Variants in SPATA17 observed in about 807,000 individuals in gnomAD.
SPATA17 encodes the protein spermatogenesis associated 17, also known as spermatogenesis-associated protein 17.
SPATA17 carries 53 observed loss-of-function variants against 62.2 expected under a neutral mutation model. The observed-to-expected ratio is 0.85, with a 90% CI of 0.68 to 1.07. SPATA17 has a LOEUF of 1.07. Among genes scored for constraint, SPATA17 ranks in the 50% least tolerant of loss-of-function variants. The probability of loss-of-function intolerance (pLI) is 0.00; values close to 1 mark genes in which losing one functional copy is unlikely to be tolerated. For synonymous variants in SPATA17, 146 were observed against 146.8 expected (o/e 0.99, Z 0.04); for missense variants, 466 against 425.5 (o/e 1.10, Z -0.84).
intron 1 of SPATA17, among the ~76,000 whole-genome samples, chr1:217,645,411 G>A (rs1670156805): frequency 6.6e-6 from 1 of 152,026 alleles, no homozygotes; most frequent in African/African-American, 2.4e-5. Context: ...TTCAAAAGAA[G>A]CATTAGATGT....
At position 217,783,305 on chromosome 1, in the gene SPATA17, A is replaced by C. The variant is rs189908671; in HGVS notation, c.872+983A>C. On this transcript the variant is annotated intron_variant, in intron 8 of 10. Transcript: ENST00000366933. Reference sequence around the variant, plus strand: ...TAAGTTATATATACATGTACACATAAAATATGTTATTTGAATTATACCTTT... The same window carrying C: ...TAAGTTATATATACATGTACACATACAATATGTTATTTGAATTATACCTTT... 1.9e-3 allele frequency among the ~76,000 whole-genome samples: 289 copies of C among 151,996 alleles called. 1 individual carries two copies. The highest frequency in any genetic ancestry group is 6.5e-3 in the African/African-American group (272 of 41,558).
At chr1:217,793,221 G>GT (rs1161172000) in intron 8 of SPATA17, among the ~76,000 whole-genome samples, 7,106 of 127,022 alleles carry the variant, frequency 0.056, 310 homozygotes, top group Non-Finnish European at 0.071. Context: ...AGTGGTTTTT[G>GT]TTTTTTTTTT....
chr1:217,646,663 G>A (rs1056231994), intron 1 of SPATA17, among the ~76,000 whole-genome samples: 7 of 152,000 alleles, frequency 4.6e-5, no homozygotes, highest in South Asian at 2.1e-4. Context: ...TTGGGAGGCC[G>A]AGGTGGGTGG....
chr1:217,723,944 T>C (rs1310385367), intron 5 of SPATA17, among the ~76,000 whole-genome samples: 1 of 152,216 alleles, frequency 6.6e-6, no homozygotes, highest in Non-Finnish European at 1.5e-5. Flanking sequence ...GCCACCCCTG[T>C]CCTCTGAAGG....
intron 9 of SPATA17, among the ~76,000 whole-genome samples, chr1:217,850,228 A>G (rs1006426017): frequency 2.6e-5 from 4 of 152,166 alleles, no homozygotes; most frequent in African/African-American, 9.7e-5. Context: ...TGTTTTTCCA[A>G]AAGTATGGCA....
chr1:217,821,843 C>T (rs555076462), intron 9 of SPATA17, among the ~76,000 whole-genome samples: 3 of 152,112 alleles, frequency 2.0e-5, no homozygotes, highest in Admixed American at 1.3e-4. Flanking sequence ...ATGCAAGGGG[C>T]GCAAACTCTG....
Position 217,728,134 on chromosome 1 carries a change from T to C in SPATA17, c.396-13841T>C, listed in dbSNP as rs1239570216. Among the ~76,000 whole-genome samples, 3 of 152,156 alleles carry C rather than the reference T, an allele frequency of 2.0e-5. No homozygotes were observed. The East Asian group carries it at 5.8e-4, about 29-fold the overall frequency. On this transcript the variant is annotated intron_variant, in intron 5 of 10. Transcript: ENST00000366933. ...TGGAAACATACTAGAAGTTTAGTTT[T>C]TAAAACTTATTTATTTAGTTACTAC...
chr1:217,675,227 G>A (rs1006733662), intron 4 of SPATA17, among the ~76,000 whole-genome samples: 1 of 152,096 alleles, frequency 6.6e-6, no homozygotes, highest in Non-Finnish European at 1.5e-5. Context: ...CAGAGTGTGG[G>A]GGGAAAATTA....
chr1:217,705,915 A>G (rs1242711133), intron 5 of SPATA17, among the ~76,000 whole-genome samples: 3 of 152,156 alleles, frequency 2.0e-5, no homozygotes, highest in African/African-American at 7.2e-5. Flanking sequence ...TGGTGTAAGG[A>G]AGAGGTTCAG....
chr1:217,639,740 A>G (rs1670014638), intron 1 of SPATA17, among the ~76,000 whole-genome samples: 2 of 152,068 alleles, frequency 1.3e-5, no homozygotes, highest in Non-Finnish European at 2.9e-5. Flanking sequence ...ATCATAGGCA[A>G]TAGTCTTGCT....
chr1:217,842,732 T>C (rs1036581468), intron 9 of SPATA17, among the ~76,000 whole-genome samples: 7 of 152,172 alleles, frequency 4.6e-5, no homozygotes, highest in African/African-American at 1.7e-4. Flanking sequence ...TTGTTAGTTT[T>C]TTCATGGAAT....
intron 5 of SPATA17, among the ~76,000 whole-genome samples, chr1:217,711,968 A>G (rs1671876155): frequency 6.6e-6 from 1 of 152,092 alleles, no homozygotes; most frequent in African/African-American, 2.4e-5. Flanking sequence ...TGGAAGTAAC[A>G]TGTTGGTAGA....
intron 7 of SPATA17, among the ~76,000 whole-genome samples, chr1:217,774,742 T>C (rs1276237270): frequency 2.0e-5 from 3 of 152,198 alleles, no homozygotes; most frequent in Non-Finnish European, 4.4e-5. Flanking sequence ...CAACTCTCCA[T>C]TTCCCTTTGC....
At chr1:217,717,331 C>A (rs1169709273) in intron 5 of SPATA17, among the ~76,000 whole-genome samples, 1 of 152,110 alleles carries the variant, frequency 6.6e-6, no homozygotes, top group Admixed American at 6.5e-5. Flanking sequence ...CTAATTTGGC[C>A]AGGCACGGTG....
intron 9 of SPATA17, among the ~76,000 whole-genome samples, chr1:217,836,789 G>A (rs994145374): frequency 2.6e-5 from 4 of 152,092 alleles, no homozygotes; most frequent in Non-Finnish European, 4.4e-5. Context: ...AAGGACAGAA[G>A]TGCTCCAGCT....
intron 5 of SPATA17, among the ~76,000 whole-genome samples, chr1:217,726,453 C>T (rs1176913823): frequency 1.3e-5 from 2 of 152,198 alleles, no homozygotes; most frequent in Non-Finnish European, 2.9e-5. Flanking sequence ...AGTCCTGCAT[C>T]CCTTTTATCC....
chr1:217,669,490 GT>G (rs1309536600), intron 4 of SPATA17, among the ~76,000 whole-genome samples: 1 of 152,148 alleles, frequency 6.6e-6, no homozygotes, highest in Non-Finnish European at 1.5e-5. Flanking sequence ...AATGAAGTCA[GT>G]TTCCAGCTTT....
intron 6 of SPATA17, among the ~76,000 whole-genome samples, chr1:217,759,129 T>A (rs1673112836): frequency 6.6e-6 from 1 of 152,102 alleles, no homozygotes; most frequent in South Asian, 2.1e-4. Flanking sequence ...TTATGATAAC[T>A]ACAATAGGGA....
intron 5 of SPATA17, among the ~76,000 whole-genome samples, chr1:217,715,931 T>C (rs903259020): frequency 2.0e-5 from 3 of 152,198 alleles, no homozygotes; most frequent in Admixed American, 6.5e-5. Flanking sequence ...AATTTGCATT[T>C]GTTTTCAAGG....
Sources: gnomAD v4.1 joint callset for allele counts (sites outside exome capture counted in the v4.1 genomes callset) on GRCh38, gnomAD v4.1.1 for gene constraint, MANE v1.5 for transcripts, NCBI Gene and HGNC (gene_info 2026-07-23, HGNC 2026-07-21) for gene names.